The following SFMBT1 variants were observed in gnomAD, a reference collection of about 807,000 sequenced individuals.
SFMBT1 encodes the protein scm-like with four MBT domains protein 1.
Under a neutral mutation model 108.7 loss-of-function variants are expected in SFMBT1, and 32 were observed. That is an observed-to-expected ratio of 0.29 (90% CI 0.22 to 0.40). The LOEUF (loss-of-function observed/expected upper bound fraction) is 0.40. Among genes scored for constraint, SFMBT1 ranks in the 10% least tolerant of loss-of-function variants. SFMBT1 has a pLI of 1.00. For missense variants in SFMBT1, 816 were observed against 1,059.6 expected, an observed-to-expected ratio of 0.77 and a Z score of 3.19; for synonymous variants, 348 against 369.5, an observed-to-expected ratio of 0.94 and a Z score of 0.67.
chr3:52,911,481 G>C (rs1575366278), intron 16 of SFMBT1, among the ~76,000 whole-genome samples: 1 of 152,132 alleles, frequency 6.6e-6, no homozygotes, highest in East Asian at 1.9e-4. Flanking sequence ...AAAGAAAAGT[G>C]ACTTTTCACT....
intron 1 of SFMBT1, chr3:53,045,151 G>T (rs1350751658): frequency 6.6e-6 from 1 of 151,328 alleles, no homozygotes. Context: ...GTCCAGCGGC[G>T]GTGCCCGGCG....
chr3:53,007,151 A>G (rs1698774699), intron 1 of SFMBT1, among the ~76,000 whole-genome samples: 1 of 152,230 alleles, frequency 6.6e-6, no homozygotes, highest in African/African-American at 2.4e-5. Context: ...TTTATCAATC[A>G]AAAGTGTTTG....
intron 1 of SFMBT1, among the ~76,000 whole-genome samples, chr3:53,014,445 G>C (rs982761000): frequency 1.3e-5 from 2 of 151,738 alleles, no homozygotes; most frequent in East Asian, 1.9e-4. Flanking sequence ...ACTCCCGCCT[G>C]GGTGACAGAG....
At chr3:52,951,020 A>G (rs1188566553) in intron 3 of SFMBT1, among the ~76,000 whole-genome samples, 3 of 148,734 alleles carry the variant, frequency 2.0e-5, no homozygotes, top group African/African-American at 4.9e-5. Context: ...GCTACTCTGG[A>G]GGCTGAGGCA....
chr3:52,945,096 G>T (rs2106817782), intron 3 of SFMBT1, among the ~76,000 whole-genome samples: 1 of 123,382 alleles, frequency 8.1e-6, no homozygotes, highest in South Asian at 3.0e-4. Flanking sequence ...GAACCACTGT[G>T]CCTGGCCCAA....
intron 3 of SFMBT1, among the ~76,000 whole-genome samples, chr3:52,952,867 T>G (rs1173406165): frequency 6.6e-6 from 1 of 152,208 alleles, no homozygotes; most frequent in Non-Finnish European, 1.5e-5. Context: ...AGCCCTGATC[T>G]AACAGAATTG....
intron 3 of SFMBT1, among the ~76,000 whole-genome samples, chr3:52,946,855 T>C (rs2106820895): frequency 6.7e-6 from 1 of 148,970 alleles, no homozygotes; most frequent in Non-Finnish European, 1.5e-5. Context: ...CACTGCAAAC[T>C]CCACCTTTCA....
intron 1 of SFMBT1, among the ~76,000 whole-genome samples, chr3:52,984,629 G>A (rs1704837555): frequency 1.3e-5 from 2 of 150,118 alleles, no homozygotes; most frequent in African/African-American, 4.9e-5. Context: ...ATAATCTCAG[G>A]CATAAATAAT....
chr3:53,022,449 C>CAAAAAAAAAA (rs34744052), intron 1 of SFMBT1, among the ~76,000 whole-genome samples: 11 of 40,576 alleles, frequency 2.7e-4, no homozygotes, highest in Non-Finnish European at 5.2e-4. Context: ...GGTGCTGTCT[C>CAAAAAAAAAA]AAAAAAAAAA....
At chr3:52,910,072 G>GACTT (rs1405964190) in intron 17 of SFMBT1, among the ~76,000 whole-genome samples, 3 of 152,028 alleles carry the variant, frequency 2.0e-5, no homozygotes, top group Middle Eastern at 3.2e-3. Context: ...CTGTCAGAAA[G>GACTT]ACTTCCCTGA....
chr3:52,928,185 G>A lies in SFMBT1; in HGVS notation c.1048+6C>T. 1 of 1,607,698 alleles carries A rather than the reference G, an allele frequency of 6.2e-7. No homozygotes were observed. Among genetic ancestry groups the A allele is most frequent in the South Asian group, 1.1e-5 (1 of 90,130 alleles). Reference sequence around the variant, plus strand: ...AGTGACAATTCAGAAGACAGCGAATGTGCACCTGGAGGGGGGCTGATGTGT... The same window carrying A: ...AGTGACAATTCAGAAGACAGCGAATATGCACCTGGAGGGGGGCTGATGTGT... On this transcript the variant is annotated splice_donor_region_variant and intron_variant, in intron 9 of 20. Coordinates refer to ENST00000394752, the MANE Select transcript of SFMBT1 (RefSeq NM_016329.4).
At chr3:52,935,872 A>G (rs1448009636) in intron 4 of SFMBT1, among the ~76,000 whole-genome samples, 2 of 151,732 alleles carry the variant, frequency 1.3e-5, no homozygotes, top group Non-Finnish European at 2.9e-5. Context: ...TTTTTACTCC[A>G]CATTTATTGA....
At chr3:53,014,384 C>T (rs1384972976) in intron 1 of SFMBT1, among the ~76,000 whole-genome samples, 3 of 151,854 alleles carry the variant, frequency 2.0e-5, no homozygotes, top group African/African-American at 4.8e-5. Flanking sequence ...GCAGGAGAAT[C>T]GCTTGAGCCC....
intron 1 of SFMBT1, among the ~76,000 whole-genome samples, chr3:53,022,220 T>G (rs1699334983): frequency 6.6e-6 from 1 of 151,960 alleles, no homozygotes; most frequent in African/African-American, 2.4e-5. Context: ...GAGGCCAAGG[T>G]GGGCAGATCA....
Position 52,999,339 on chromosome 3 carries a change from G to A in SFMBT1, c.-130-30081C>T, listed in dbSNP as rs1454452438. On this transcript the variant is annotated intron_variant, in intron 1 of 20. Coordinates refer to ENST00000394752, the MANE Select transcript of SFMBT1 (RefSeq NM_016329.4). ...CCTGAAGGCTGGGAAAGGAGCCGAC[G>A]CCCCACCTCCTCTGACCAGGCCTGC... Among the ~76,000 whole-genome samples, 5 of 150,242 alleles carry A rather than the reference G, an allele frequency of 3.3e-5. No individual in the cohort carries two copies. The East Asian group carries it at 7.9e-4, about 24-fold the overall frequency.
chr3:52,968,870 G>A (rs1704242673), intron 2 of SFMBT1, among the ~76,000 whole-genome samples: 1 of 152,098 alleles, frequency 6.6e-6, no homozygotes, highest in Non-Finnish European at 1.5e-5. Context: ...TATGATTACA[G>A]GTATGAGCCA....
At chr3:52,921,075 A>G (rs962436077) in intron 11 of SFMBT1, among the ~76,000 whole-genome samples, 1 of 152,214 alleles carries the variant, frequency 6.6e-6, no homozygotes, top group Non-Finnish European at 1.5e-5. Flanking sequence ...TCAAATCAGG[A>G]AGTGATTTGG....
At chr3:53,001,921 T>TCA (rs1491194888) in intron 1 of SFMBT1, among the ~76,000 whole-genome samples, 4 of 64,732 alleles carry the variant, frequency 6.2e-5, no homozygotes, top group African/African-American at 2.2e-4. Context: ...CAAGACCCAG[T>TCA]CTCTCACACA....
chr3:52,944,366 A>G (rs182972774), intron 3 of SFMBT1, among the ~76,000 whole-genome samples: 31 of 152,304 alleles, frequency 2.0e-4, no homozygotes, highest in Admixed American at 1.3e-3. Flanking sequence ...AGGCAGATAG[A>G]TGGATGGATG....
Sources: gnomAD v4.1 joint callset for allele counts (sites outside exome capture counted in the v4.1 genomes callset) on GRCh38, gnomAD v4.1.1 for gene constraint, MANE v1.5 for transcripts, NCBI Gene and HGNC (gene_info 2026-07-23, HGNC 2026-07-21) for gene names.